ADH1A: variants seen among roughly 807,000 people sequenced by gnomAD.
ADH1A encodes the protein alcohol dehydrogenase 1A.
Under a neutral mutation model 35.2 loss-of-function variants are expected in ADH1A, and 29 were observed. That is an observed-to-expected ratio of 0.82 (90% confidence interval 0.61 to 1.12). The LOEUF (loss-of-function observed/expected upper bound fraction) is 1.12, where lower values mean the gene tolerates loss of function less well. Ranked by LOEUF, ADH1A falls within the 50% of genes most tolerant of loss-of-function variation. The pLI, the probability that ADH1A is intolerant of heterozygous loss-of-function variation, is 0.00. For missense variants in ADH1A, 469 were observed against 464.7 expected (o/e 1.01, Z -0.09); for synonymous variants, 147 against 164.8 (o/e 0.89, Z 0.83).
intron 5 of ADH1A, among the ~76,000 whole-genome samples, chr4:99,283,261 G>A (rs951431596): frequency 6.6e-6 from 1 of 152,068 alleles, no homozygotes; most frequent in East Asian, 1.9e-4. Flanking sequence ...TTCTTGGGTA[G>A]GCTCACTTAG....
chr4:99,276,740 T>A, intron 8 of ADH1A, 92 bp from the exon 9 acceptor site: 1 of 1,256,136 alleles, frequency 8.0e-7, no homozygotes, highest in East Asian at 2.3e-5. Context: ...AGTGAAAATC[T>A]GTCTGTTCTC....
Position 99,282,435 on chromosome 4 carries a change from A to T in ADH1A, c.739T>A (p.Tyr247Asn). 3.1e-6 allele frequency: 5 copies of T among 1,614,056 alleles called. No individual in the cohort carries two copies. Among genetic ancestry groups the T allele is most frequent in the South Asian group, 2.2e-5 (2 of 91,082 alleles). Residue 247 changes from tyrosine (Y) to asparagine (N), a missense_variant, in exon 6 of 9, where the codon TAC (tyrosine) becomes AAC (asparagine). By Grantham distance (143) the Tyr-to-Asn change is moderately radical. Coordinates refer to ENST00000209668, the MANE Select transcript of ADH1A (RefSeq NM_000667.4). ...AGCACCTCCTGGATGGGTTTCTTGT[A>T]GTCTTGAGGGTTGATGCATTCAGTG... ...GATECINPQD[Y>N]KKPIQEVLKE... is the part of the protein sequence containing the mutation.
intron 7 of ADH1A, 36 bp from the exon 8 acceptor site, chr4:99,279,600 A>T: frequency 6.3e-7 from 1 of 1,579,568 alleles, no homozygotes; most frequent in South Asian, 1.2e-5. Context: ...AGATTCAACC[A>T]GGGTAAGTAG....
Position 99,286,836 on chromosome 4 carries a change from T to C in ADH1A, c.259+14A>G. ...ATGGTGAACCATCATGTTTCCTGAATGTGAATCCTGTACCTGGTTTGACTG... is the reference window on the plus strand; with the variant it reads ...ATGGTGAACCATCATGTTTCCTGAACGTGAATCCTGTACCTGGTTTGACTG... On this transcript the variant is annotated intron_variant, in intron 3 of 8. Transcript: ENST00000209668. 1 of 1,612,894 alleles carries C rather than the reference T, an allele frequency of 6.2e-7. No individual in the cohort carries two copies. The highest frequency in any genetic ancestry group is 8.5e-7 in the Non-Finnish European group (1 of 1,179,480).
chr4:99,276,600 A>C lies in ADH1A; in HGVS notation c.*24T>G. 6.2e-7 allele frequency: 1 copy of C among 1,606,176 alleles called. No individual in the cohort carries two copies. The highest frequency in any genetic ancestry group is 8.5e-7 in the Non-Finnish European group (1 of 1,172,856). On this transcript the variant is annotated 3_prime_UTR_variant, in exon 9 of 9. Coordinates refer to ENST00000209668, the MANE Select transcript of ADH1A (RefSeq NM_000667.4). ...AGGGTAGAGGAGGCTGAAGACTGCC[A>C]CAAGGGAAAACATCTGTATTGTCTC... is the stretch of plus-strand genomic sequence containing the variant.
At chr4:99,282,970 G>A (rs1471574912) in intron 5 of ADH1A, among the ~76,000 whole-genome samples, 2 of 152,162 alleles carry the variant, frequency 1.3e-5, no homozygotes, top group Admixed American at 6.5e-5. Context: ...CAATCTTGAA[G>A]GGACTCTCGA....
chr4:99,284,471 C>T lies in ADH1A; in HGVS notation c.495G>A (p.Ser165=), dbSNP rs755100175. 2.1e-5 allele frequency: 34 copies of T among 1,614,040 alleles called. No homozygotes were observed. Among genetic ancestry groups the T allele is most frequent in the Admixed American group, 8.3e-5 (5 of 60,000 alleles). The change falls in exon 5 of 9, where the codon TCG becomes TCA. Residue 165 remains serine, a synonymous_variant. Transcript: ENST00000209668. ...CAATGAGACAGACTTTCTCTAGAGG[C>T]GAGGCTGCATCAATTTTGGCTACTG... is the stretch of plus-strand genomic sequence containing the variant. ...ENAVAKIDAA[S]PLEKVCLIGC... is the part of the protein sequence containing the mutation.
intron 1 of ADH1A, 89 bp downstream of exon 1, chr4:99,290,808 G>C (rs1383303443): frequency 1.5e-6 from 2 of 1,345,448 alleles, no homozygotes; most frequent in Non-Finnish European, 2.1e-6. Flanking sequence ...ATTTAGATAT[G>C]AATTTTAAAT....
intron 3 of ADH1A, 135 bp downstream of exon 3, chr4:99,286,715 A>C (rs1733160392): frequency 2.1e-6 from 3 of 1,431,456 alleles, no homozygotes. Flanking sequence ...AGAGGGAAAG[A>C]GGAAATCCCT....
At chr4:99,289,513 A>G (rs1295531211) in intron 1 of ADH1A, among the ~76,000 whole-genome samples, 1 of 152,220 alleles carries the variant, frequency 6.6e-6, no homozygotes, top group Non-Finnish European at 1.5e-5. Context: ...AATAGTGGCT[A>G]ATAGTTATTG....
chr4:99,283,838 G>C (rs1351405566), intron 5 of ADH1A, among the ~76,000 whole-genome samples: 1 of 152,142 alleles, frequency 6.6e-6, no homozygotes, highest in East Asian at 1.9e-4. Context: ...AGTTTTAGCA[G>C]TGAAATGTCA....
At chr4:99,283,985 G>A (rs1733070068) in intron 5 of ADH1A, among the ~76,000 whole-genome samples, 1 of 152,114 alleles carries the variant, frequency 6.6e-6, no homozygotes. Flanking sequence ...TGGGAGTAGA[G>A]GATCCACAGA....
chr4:99,287,023 G>C lies in ADH1A; in HGVS notation c.121-35C>G, dbSNP rs377108015. 61 of 1,593,204 alleles carry C rather than the reference G, an allele frequency of 3.8e-5. No homozygotes were observed. In the African/African-American group the frequency reaches 7.2e-4, roughly 19 times the overall value. The stretch of plus-strand genomic sequence containing the variant: ...GAAGAGAAGATGTTTATAAAAGATT[G>C]TGAGTCTCAGGTGAATTTAAAAATC... On this transcript the variant is annotated intron_variant, in intron 2 of 8. Coordinates refer to ENST00000209668, the MANE Select transcript of ADH1A (RefSeq NM_000667.4).
chr4:99,279,426 C>T lies in ADH1A; in HGVS notation c.1103G>A (p.Ser368Asn). ...ACAGAAAACTAACTAAAAAATCTAC[C>T]TTTTCCCAGAGTGAAGCAGGTCAAA... Reference protein sequence around the residue: ...EGFDLLHSGKSIRTILMF With the variant: ...EGFDLLHSGKNIRTILMF The change falls in exon 8 of 9, where the codon AGT becomes AAT. Residue 368 changes from serine (S) to asparagine (N), a missense_variant and splice_region_variant. Ser to Asn is a conservative substitution (Grantham distance 46, BLOSUM62 1). Transcript: ENST00000209668. 2 of 1,588,440 alleles carry T rather than the reference C, an allele frequency of 1.3e-6. No homozygotes were observed. The highest frequency in any genetic ancestry group is 1.7e-6 in the Non-Finnish European group (2 of 1,172,814).
chr4:99,282,640 A>G (rs751812354), intron 5 of ADH1A, 34 bp from the exon 6 acceptor site: 3 of 1,599,962 alleles, frequency 1.9e-6, no homozygotes, highest in Non-Finnish European at 2.6e-6. Context: ...ATGGATTATA[A>G]AAACTTTATA....
At position 99,290,971 on chromosome 4, in the gene ADH1A, C is replaced by G; in HGVS notation, c.-57G>C. The G allele has an allele frequency of 6.3e-7, 1 of 1,597,942 alleles. No homozygotes were observed. Among genetic ancestry groups the G allele is most frequent in the Non-Finnish European group, 8.6e-7 (1 of 1,165,568 alleles). On this transcript the variant is annotated 5_prime_UTR_variant, in exon 1 of 9. Coordinates refer to ENST00000209668, the MANE Select transcript of ADH1A (RefSeq NM_000667.4). ...CTGGTGAGTCCTTGTGGATTTCTTC[C>G]CTGCTCAAGTGCATAAAGCAGGTGT...
At chr4:99,287,800 C>A in intron 1 of ADH1A, 135 bp from the exon 2 acceptor site, 2 of 853,800 alleles carry the variant, frequency 2.3e-6, no homozygotes, top group Non-Finnish European at 1.8e-6. Flanking sequence ...AAATGATCAC[C>A]TCTGATTTAT....
intron 1 of ADH1A, among the ~76,000 whole-genome samples, chr4:99,289,324 A>G (rs1054447709): frequency 3.3e-5 from 5 of 152,186 alleles, no homozygotes; most frequent in Non-Finnish European, 5.9e-5. Context: ...GGACAGTACT[A>G]TTGAATTATT....
chr4:99,284,685 T>A, intron 4 of ADH1A, 31 bp downstream of exon 4: 2 of 1,612,438 alleles, frequency 1.2e-6, no homozygotes, highest in Non-Finnish European at 1.7e-6. Flanking sequence ...GCAAACTCAA[T>A]GTCTGCGCAG....
Sources: allele counts gnomAD v4.1 joint callset (sites outside exome capture counted in the v4.1 genomes callset), GRCh38; gene constraint gnomAD v4.1.1; transcripts MANE v1.5; gene names NCBI Gene and HGNC (gene_info 2026-07-23, HGNC 2026-07-21).